The following GABBR2 variants were observed in gnomAD, a reference collection of about 807,000 sequenced individuals.
The protein encoded by GABBR2 is gamma-aminobutyric acid type B receptor subunit 2, also known as G-protein coupled receptor 51.
In GABBR2, 23 loss-of-function variants were observed where a neutral mutation model predicts 105.6. The observed-to-expected ratio is 0.22, with a 90% CI of 0.16 to 0.31. The LOEUF is 0.31. GABBR2 is among the 10% of genes least tolerant of loss of function. The probability of loss-of-function intolerance (pLI) is 1.00; values close to 1 mark genes in which losing one functional copy is unlikely to be tolerated. For synonymous variants in GABBR2, 478 were observed against 499.7 expected, an observed-to-expected ratio of 0.96 and a Z score of 0.58; for missense variants, 734 against 1,245.5, an observed-to-expected ratio of 0.59 and a Z score of 6.18.
At chr9:98,669,928 T>C (rs1342692949) in intron 1 of GABBR2, among the ~76,000 whole-genome samples, 3 of 140,642 alleles carry the variant, frequency 2.1e-5, no homozygotes, top group Non-Finnish European at 4.5e-5. Context: ...CTTAACAAGG[T>C]AGAACCAAGA....
chr9:98,640,129 T>TATATATATATATATAAACC (rs1479345495), intron 1 of GABBR2, among the ~76,000 whole-genome samples: 1 of 148,632 alleles, frequency 6.7e-6, no homozygotes, highest in Non-Finnish European at 1.5e-5. Context: ...ACCATATATA[T>TATATATATATATATAAACC]ATATATATAT....
chr9:98,419,614 C>T (rs1458421713), intron 7 of GABBR2, among the ~76,000 whole-genome samples: 2 of 152,118 alleles, frequency 1.3e-5, no homozygotes, highest in East Asian at 1.9e-4. Context: ...AGGGTGGCTG[C>T]GGAGGGCCCA....
At chr9:98,315,348 A>G (rs1485477971) in intron 13 of GABBR2, among the ~76,000 whole-genome samples, 1 of 152,162 alleles carries the variant, frequency 6.6e-6, no homozygotes, top group Non-Finnish European at 1.5e-5. Context: ...ATAAACTGCA[A>G]AAATGTTCTG....
chr9:98,311,717 C>T (rs1830639145), intron 13 of GABBR2, among the ~76,000 whole-genome samples: 1 of 152,224 alleles, frequency 6.6e-6, no homozygotes, highest in Non-Finnish European at 1.5e-5. Flanking sequence ...GCAGTGATGG[C>T]AGCCAGGTTG....
intron 1 of GABBR2, among the ~76,000 whole-genome samples, chr9:98,647,199 C>T (rs1830037025): frequency 6.6e-6 from 1 of 152,226 alleles, no homozygotes; most frequent in African/African-American, 2.4e-5. Flanking sequence ...TAGGAAGAGG[C>T]CTCCTTTGAA....
Position 98,306,604 on chromosome 9 carries a change from C to G in GABBR2, c.2005-259G>C. On this transcript the variant is annotated intron_variant, in intron 14 of 18. Transcript: ENST00000259455. This position sits in a 1 kb window ranked among gnomAD's most constrained non-coding sequence, Gnocchi z 5.4. ...CCTGCACCCCTATGACTGGTTCATG[C>G]ACAGACCTGCCCAAGGCTACAGTGG... 1 of 526,168 alleles carries G rather than the reference C, an allele frequency of 1.9e-6. No homozygotes were observed. Among genetic ancestry groups the G allele is most frequent in the East Asian group, 3.4e-5 (1 of 29,268 alleles). The allele number at this position is 526,168 out of a possible 1,614,324, so 32.6% of individuals were successfully genotyped here. A position where few individuals can be genotyped will look rare whatever the true frequency, so the allele number is the denominator to read the frequency against.
intron 7 of GABBR2, among the ~76,000 whole-genome samples, chr9:98,430,511 G>A (rs941545175): frequency 2.0e-5 from 3 of 152,042 alleles, no homozygotes; most frequent in African/African-American, 7.3e-5. Context: ...CCCACCCAAC[G>A]TGGTGGGAAC....
At position 98,644,984 on chromosome 9, in the gene GABBR2, G is replaced by T. The variant is rs866887445; in HGVS notation, c.321+63433C>A. Among the ~76,000 whole-genome samples, 18 of 152,268 alleles carry T rather than the reference G, an allele frequency of 1.2e-4. No individual in the cohort carries two copies. The South Asian group carries it at 2.9e-3, about 25-fold the overall frequency. On this transcript the variant is annotated intron_variant, in intron 1 of 18. Coordinates refer to ENST00000259455, the MANE Select transcript of GABBR2 (RefSeq NM_005458.8). ...AGCCCAGCAATATATGTTACCCCAA[G>T]GTATAAAACCCAGGGCGGGCTGTTT... is the stretch of plus-strand genomic sequence containing the variant.
At chr9:98,309,324 T>C (rs3780445) in intron 14 of GABBR2, among the ~76,000 whole-genome samples, 19,597 of 152,278 alleles carry the variant, frequency 0.13, 1,518 homozygotes, top group Middle Eastern at 0.21. Flanking sequence ...TTTAAAGATG[T>C]CAATATGATT....
At chr9:98,367,887 GT>G (rs368607146) in intron 12 of GABBR2, among the ~76,000 whole-genome samples, 1 of 152,130 alleles carries the variant, frequency 6.6e-6, no homozygotes, top group African/African-American at 2.4e-5. Flanking sequence ...CACAGTTCCA[GT>G]TTTTTACATA....
At chr9:98,400,523 G>A (rs1004617621) in intron 8 of GABBR2, among the ~76,000 whole-genome samples, 4 of 152,298 alleles carry the variant, frequency 2.6e-5, no homozygotes, top group Admixed American at 2.0e-4. Flanking sequence ...TCTGCTCTTG[G>A]AAACCTGTCC....
chr9:98,598,539 T>C (rs1158286394), intron 1 of GABBR2, among the ~76,000 whole-genome samples: 2 of 151,724 alleles, frequency 1.3e-5, no homozygotes, highest in Non-Finnish European at 2.9e-5. Flanking sequence ...TTTGTTTTAA[T>C]TACTGTTTAC....
intron 7 of GABBR2, among the ~76,000 whole-genome samples, chr9:98,432,116 G>C (rs996752252): frequency 6.6e-6 from 1 of 152,146 alleles, no homozygotes; most frequent in African/African-American, 2.4e-5. Context: ...GGCTAGTTTT[G>C]AACTCCTGAT....
intron 1 of GABBR2, among the ~76,000 whole-genome samples, chr9:98,584,085 T>C (rs1829037774): frequency 6.6e-6 from 1 of 152,258 alleles, no homozygotes; most frequent in Non-Finnish European, 1.5e-5. Context: ...AGTGGGGGTC[T>C]GTGTCCTGGA....
intron 1 of GABBR2, among the ~76,000 whole-genome samples, chr9:98,667,780 G>T (rs894497193): frequency 2.0e-5 from 3 of 152,328 alleles, no homozygotes; most frequent in African/African-American, 7.2e-5. Context: ...AATCTGACCT[G>T]TGTTGTAAAT....
At chr9:98,495,774 C>A (rs1264502599) in intron 4 of GABBR2, among the ~76,000 whole-genome samples, 1 of 152,206 alleles carries the variant, frequency 6.6e-6, no homozygotes, top group Non-Finnish European at 1.5e-5. Context: ...GTCACTTCCT[C>A]CCTTTGTTCC....
rs61216428 is a variant in GABBR2, at chr9:98,390,375, C to CAAAAAAAAAAAAAAAAAAAAAAA, written c.1379-1394_1379-1372dup. 2.2e-4 allele frequency among the ~76,000 whole-genome samples: 7 copies of CAAAAAAAAAAAAAAAAAAAAAAA among 32,438 alleles called. 1 individual carries two copies. The highest frequency in any genetic ancestry group is 7.0e-4 in the African/African-American group (7 of 9,948). The allele number at this position is 32,438 out of a possible 152,430, so 21.3% of individuals were successfully genotyped here. A position where few individuals can be genotyped will look rare whatever the true frequency, so the allele number is the denominator to read the frequency against. On this transcript the variant is annotated intron_variant, in intron 9 of 18. Coordinates refer to ENST00000259455, the MANE Select transcript of GABBR2 (RefSeq NM_005458.8). ...GGTGACAGAGCAAGACTCCATCTCA[C>CAAAAAAAAAAAAAAAAAAAAAAA]AAAAAAAAAAAAAAAAAAAAAAAAA...
At chr9:98,623,413 A>G (rs1829694184) in intron 1 of GABBR2, among the ~76,000 whole-genome samples, 1 of 152,240 alleles carries the variant, frequency 6.6e-6, no homozygotes, top group African/African-American at 2.4e-5. Flanking sequence ...TGTGCAACAG[A>G]GTAAGACCCT....
At chr9:98,610,493 C>A (rs1409004778) in intron 1 of GABBR2, among the ~76,000 whole-genome samples, 1 of 152,136 alleles carries the variant, frequency 6.6e-6, no homozygotes, top group African/African-American at 2.4e-5. Flanking sequence ...CCTTACATGG[C>A]AAAAATGTGA....
Sources: allele counts gnomAD v4.1 joint callset (sites outside exome capture counted in the v4.1 genomes callset), GRCh38; gene constraint gnomAD v4.1.1; non-coding constraint Gnocchi (gnomAD v3.1); transcripts MANE v1.5; gene names NCBI Gene and HGNC (gene_info 2026-07-23, HGNC 2026-07-21).